The following PTPRG variants were observed in gnomAD, a reference collection of about 807,000 sequenced individuals.
The protein encoded by PTPRG is protein tyrosine phosphatase receptor type G, also known as receptor-type tyrosine-protein phosphatase gamma.
In PTPRG, 102 loss-of-function variants were observed where a neutral mutation model predicts 165.3. That is an observed-to-expected ratio of 0.62 (90% CI 0.53 to 0.73). The LOEUF (loss-of-function observed/expected upper bound fraction) is 0.73, where lower values mean the gene tolerates loss of function less well. Among genes scored for constraint, PTPRG ranks in the 30% least tolerant of loss-of-function variants. The probability of loss-of-function intolerance (pLI) is 0.00; values close to 1 mark genes in which losing one functional copy is unlikely to be tolerated. For synonymous variants in PTPRG, 675 were observed against 669.5 expected (o/e 1.01, Z -0.13); for missense variants, 1,866 against 1,861.4 (o/e 1.00, Z -0.05).
At chr3:62,275,695 A>G (rs981712662) in intron 23 of PTPRG, among the ~76,000 whole-genome samples, 178 bp from the exon 24 acceptor site, 5 of 152,160 alleles carry the variant, frequency 3.3e-5, no homozygotes, top group Non-Finnish European at 7.4e-5. Flanking sequence ...CTGAGCTACA[A>G]TCATGCCACT....
chr3:61,940,804 C>T (rs2039604973), intron 2 of PTPRG, among the ~76,000 whole-genome samples: 1 of 152,078 alleles, frequency 6.6e-6, no homozygotes, highest in South Asian at 2.1e-4. Flanking sequence ...GCTGGGACTA[C>T]AGGCGCCTGC....
chr3:61,593,473 G>A (rs1252379208), intron 1 of PTPRG, among the ~76,000 whole-genome samples: 1 of 151,464 alleles, frequency 6.6e-6, no homozygotes, highest in Non-Finnish European at 1.5e-5. Context: ...GGTTACATGG[G>A]TGGGAATTGC....
At chr3:61,915,739 T>A (rs754348774) in intron 2 of PTPRG, among the ~76,000 whole-genome samples, 2 of 152,182 alleles carry the variant, frequency 1.3e-5, no homozygotes, top group Non-Finnish European at 1.5e-5. Context: ...TCTATGTAAA[T>A]GGAAATTAAT....
intron 4 of PTPRG, among the ~76,000 whole-genome samples, chr3:62,064,135 T>TC (rs1196240798): frequency 6.7e-6 from 1 of 150,224 alleles, no homozygotes; most frequent in Non-Finnish European, 1.5e-5. Flanking sequence ...GGGAGACTTT[T>TC]TTTCCGATGA....
intron 2 of PTPRG, among the ~76,000 whole-genome samples, chr3:61,913,432 G>A (rs1267196374): frequency 6.6e-6 from 1 of 152,100 alleles, no homozygotes; most frequent in Admixed American, 6.5e-5. Flanking sequence ...TGCTAGCCAG[G>A]ATGGTTTCAA....
At chr3:61,922,143 A>G (rs1404939964) in intron 2 of PTPRG, among the ~76,000 whole-genome samples, 1 of 152,186 alleles carries the variant, frequency 6.6e-6, no homozygotes, top group Non-Finnish European at 1.5e-5. Flanking sequence ...TGCCCTGAGG[A>G]TTCCTTTTCC....
At chr3:61,947,221 A>C (rs2039781776) in intron 2 of PTPRG, among the ~76,000 whole-genome samples, 1 of 152,222 alleles carries the variant, frequency 6.6e-6, no homozygotes, top group South Asian at 2.1e-4. Flanking sequence ...ACTAAAGGTC[A>C]GTTTTGTGGT....
At chr3:61,592,641 C>CT (rs773860673) in intron 1 of PTPRG, among the ~76,000 whole-genome samples, 2,597 of 139,320 alleles carry the variant, frequency 0.019, 107 homozygotes, top group African/African-American at 0.069. Flanking sequence ...TTCTTTCTTT[C>CT]TTTCTTTCTT....
intron 2 of PTPRG, among the ~76,000 whole-genome samples, chr3:61,896,881 C>T (rs576450561): frequency 7.3e-5 from 11 of 151,430 alleles, no homozygotes; most frequent in South Asian, 4.2e-4. Context: ...GTGAACTATT[C>T]GTGTCTTCTG....
chr3:62,083,673 C>A (rs985078361), intron 5 of PTPRG, among the ~76,000 whole-genome samples: 10 of 152,146 alleles, frequency 6.6e-5, no homozygotes, highest in African/African-American at 2.4e-4. Flanking sequence ...CTTACAATGA[C>A]CTTATCTTTA....
intron 2 of PTPRG, among the ~76,000 whole-genome samples, chr3:61,764,353 G>A (rs1349830404): frequency 2.0e-5 from 3 of 151,200 alleles, no homozygotes. Flanking sequence ...CAGTAAAAGT[G>A]TTTATCAAGC....
chr3:62,147,141 G>A (rs1183525866), intron 6 of PTPRG, among the ~76,000 whole-genome samples: 1 of 152,164 alleles, frequency 6.6e-6, no homozygotes. Context: ...ATAGGGTTAT[G>A]AAGCTTCACT....
At chr3:61,877,718 G>T (rs1261792147) in intron 2 of PTPRG, among the ~76,000 whole-genome samples, 1 of 152,172 alleles carries the variant, frequency 6.6e-6, no homozygotes, top group Non-Finnish European at 1.5e-5. Flanking sequence ...AATGATGACA[G>T]TAAAAAGGAG....
At chr3:61,654,800 G>C (rs1232878792) in intron 1 of PTPRG, among the ~76,000 whole-genome samples, 93 of 40,820 alleles carry the variant, frequency 2.3e-3, no homozygotes, top group Admixed American at 4.0e-3. Context: ...TTTTTTTTTT[G>C]AGACAAAGTC....
At position 62,254,485 on chromosome 3, in the gene PTPRG, A is replaced by G. The variant is rs914729003; in HGVS notation, c.2468-639A>G. Among the ~76,000 whole-genome samples, 2 of 152,144 alleles carry G rather than the reference A, an allele frequency of 1.3e-5. No homozygotes were observed. Among genetic ancestry groups the G allele is most frequent in the Non-Finnish European group, 2.9e-5 (2 of 68,010 alleles). Reference sequence around the variant, plus strand: ...GAATGTGGAGTCTTCCCGAATCTATACCTAGTCTGTCAACACCAAAAAAAT... The same window carrying G: ...GAATGTGGAGTCTTCCCGAATCTATGCCTAGTCTGTCAACACCAAAAAAAT... On this transcript the variant is annotated intron_variant, in intron 15 of 29. Coordinates refer to ENST00000474889, the MANE Select transcript of PTPRG (RefSeq NM_002841.4). The surrounding 1 kb of genome is among the most constrained non-coding windows in gnomAD (Gnocchi z 4.6).
chr3:61,801,044 C>T (rs1228974372), intron 2 of PTPRG, among the ~76,000 whole-genome samples: 1 of 152,172 alleles, frequency 6.6e-6, no homozygotes, highest in Non-Finnish European at 1.5e-5. Context: ...TGCCCTGGCA[C>T]CGCCTGCCGT....
Position 62,057,037 on chromosome 3 carries a change from G to A in PTPRG, c.520-21126G>A, listed in dbSNP as rs563074316. Among the ~76,000 whole-genome samples the A allele has an allele frequency of 6.6e-5, 10 of 152,236 alleles. No homozygotes were observed. In the South Asian group the frequency reaches 1.9e-3, roughly 28 times the overall value. On this transcript the variant is annotated intron_variant, in intron 4 of 29. Coordinates refer to ENST00000474889, the MANE Select transcript of PTPRG (RefSeq NM_002841.4). ...GGAATAAACGGGAGATAAAAGTAAA[G>A]CTCTTTCATCTAAACAACAAGGATT...
chr3:62,293,389 T>C lies in PTPRG; in HGVS notation c.*82T>C. On this transcript the variant is annotated 3_prime_UTR_variant, in exon 30 of 30. Coordinates refer to ENST00000474889, the MANE Select transcript of PTPRG (RefSeq NM_002841.4). Reference sequence around the variant, plus strand: ...GAGGCCTTTTTTGCCAGACTCTAGGTTATACAATAACCCAGTTACTTTTTT... The same window carrying C: ...GAGGCCTTTTTTGCCAGACTCTAGGCTATACAATAACCCAGTTACTTTTTT... 1 of 1,264,906 alleles carries C rather than the reference T, an allele frequency of 7.9e-7. No individual in the cohort carries two copies. Among genetic ancestry groups the C allele is most frequent in the Non-Finnish European group, 1.1e-6 (1 of 941,240 alleles). The allele number at this position is 1,264,906 out of a possible 1,614,324, so 78.4% of individuals were successfully genotyped here.
chr3:61,768,120 A>C (rs1207262494), intron 2 of PTPRG, among the ~76,000 whole-genome samples: 5 of 152,202 alleles, frequency 3.3e-5, no homozygotes, highest in Admixed American at 3.3e-4. Context: ...TACTAGTCAT[A>C]AATGCAGTTA....
Sources: allele counts gnomAD v4.1 joint callset (sites outside exome capture counted in the v4.1 genomes callset), GRCh38; gene constraint gnomAD v4.1.1; non-coding constraint Gnocchi (gnomAD v3.1); transcripts MANE v1.5; gene names NCBI Gene and HGNC (gene_info 2026-07-23, HGNC 2026-07-21).